The following CDH18 variants were observed in gnomAD, a reference collection of about 807,000 sequenced individuals.
CDH18 encodes the protein cadherin-18.
A neutral mutation model predicts 67.9 loss-of-function variants in CDH18; 31 were observed. The observed-to-expected ratio is 0.46, with a 90% CI of 0.34 to 0.62. The LOEUF is 0.62. CDH18 is among the 20% of genes least tolerant of loss of function. CDH18 has a pLI of 0.01. For missense variants in CDH18, 890 were observed against 975.5 expected (o/e 0.91, Z 1.17); for synonymous variants, 362 against 347.2 (o/e 1.04, Z -0.48).
chr5:19,492,608 A>G lies in CDH18; in HGVS notation c.1631-9056T>C, dbSNP rs574002501. On this transcript the variant is annotated intron_variant, in intron 11 of 12. Coordinates refer to ENST00000382275, the MANE Select transcript of CDH18 (RefSeq NM_004934.5). ...TGTTGTTTTAGAAAATACAACTTTA[A>G]ATGCTCTAACTTAAAAATCATCTTT... Among the ~76,000 whole-genome samples, 82 of 152,270 alleles carry G rather than the reference A, an allele frequency of 5.4e-4. 1 individual carries two copies. The highest frequency in any genetic ancestry group is 5.4e-3 in the Admixed American group (82 of 15,294).
intron 1 of CDH18, among the ~76,000 whole-genome samples, chr5:20,537,126 A>G (rs1756769100): frequency 6.6e-6 from 1 of 152,062 alleles, no homozygotes; most frequent in African/African-American, 2.4e-5. Flanking sequence ...CTTATCATAA[A>G]CCATTAGAGG....
chr5:19,709,319 G>A (rs1184300577), intron 5 of CDH18, among the ~76,000 whole-genome samples: 1 of 152,124 alleles, frequency 6.6e-6, no homozygotes, highest in Non-Finnish European at 1.5e-5. Context: ...TATAATCCCA[G>A]CACATTGGGA....
chr5:19,568,737 G>GGCCCTTTGATCTTGGACTTCCCA (rs139461278), intron 8 of CDH18, among the ~76,000 whole-genome samples: 5,620 of 152,130 alleles, frequency 0.037, 303 homozygotes, highest in African/African-American at 0.12. Flanking sequence ...CAGATAGGCT[G>GGCCCTTTGATCTTGGACTTCCCA]GCCCTTTGAT....
At chr5:19,745,286 A>T (rs953138006) in intron 4 of CDH18, among the ~76,000 whole-genome samples, 1 of 152,188 alleles carries the variant, frequency 6.6e-6, no homozygotes, top group African/African-American at 2.4e-5. Flanking sequence ...TGAGTTACAG[A>T]AATCTGTTTG....
intron 3 of CDH18, among the ~76,000 whole-genome samples, chr5:19,801,908 T>C (rs1017268884): frequency 6.6e-6 from 1 of 152,188 alleles, no homozygotes; most frequent in African/African-American, 2.4e-5. Flanking sequence ...GATATGTAAT[T>C]AGATATTATT....
chr5:20,040,768 C>T (rs1740347047), intron 2 of CDH18, among the ~76,000 whole-genome samples: 3 of 152,014 alleles, frequency 2.0e-5, no homozygotes. Flanking sequence ...TATCAGAGAC[C>T]AGTTCAAACA....
intron 2 of CDH18, among the ~76,000 whole-genome samples, chr5:20,016,289 C>A (rs1474161979): frequency 1.3e-5 from 2 of 151,888 alleles, no homozygotes; most frequent in Admixed American, 6.6e-5. Flanking sequence ...AAAAGGGGAA[C>A]AACAGACACT....
chr5:19,768,022 T>A (rs1223608750), intron 3 of CDH18, among the ~76,000 whole-genome samples: 2 of 152,066 alleles, frequency 1.3e-5, no homozygotes, highest in Non-Finnish European at 2.9e-5. Context: ...AAAACCAAGA[T>A]CCACAAATCA....
chr5:20,422,117 G>C (rs1747914784), intron 1 of CDH18, among the ~76,000 whole-genome samples: 1 of 150,942 alleles, frequency 6.6e-6, no homozygotes, highest in Non-Finnish European at 1.5e-5. Flanking sequence ...GGAAGAAACA[G>C]AATTAACTAC....
chr5:20,334,687 G>T (rs1049367109), intron 1 of CDH18, among the ~76,000 whole-genome samples: 2 of 150,470 alleles, frequency 1.3e-5, no homozygotes, highest in Admixed American at 1.3e-4. Context: ...TTTATTAAAA[G>T]AAATTCTCCT....
chr5:19,959,581 T>G (rs1796591486), intron 2 of CDH18, among the ~76,000 whole-genome samples: 1 of 152,126 alleles, frequency 6.6e-6, no homozygotes, highest in Non-Finnish European at 1.5e-5. Context: ...TGTTTGATAA[T>G]TTAGATTATC....
chr5:19,942,948 G>A (rs1794962663), intron 2 of CDH18, among the ~76,000 whole-genome samples: 1 of 152,096 alleles, frequency 6.6e-6, no homozygotes, highest in Non-Finnish European at 1.5e-5. Flanking sequence ...ACCCATGTCG[G>A]GGGCTAAGGC....
At chr5:19,769,299 T>C (rs1277576656) in intron 3 of CDH18, among the ~76,000 whole-genome samples, 1 of 152,050 alleles carries the variant, frequency 6.6e-6, no homozygotes, top group Non-Finnish European at 1.5e-5. Flanking sequence ...GCCAGAATCC[T>C]GAAAGTAGCA....
At chr5:20,554,641 G>A (rs151332593) in intron 1 of CDH18, among the ~76,000 whole-genome samples, 114 of 152,230 alleles carry the variant, frequency 7.5e-4, no homozygotes, top group Middle Eastern at 3.4e-3. Context: ...CTCACTCCAT[G>A]TGCTTTCCAA....
chr5:20,216,568 T>C (rs1190271160), intron 2 of CDH18, among the ~76,000 whole-genome samples: 1 of 151,938 alleles, frequency 6.6e-6, no homozygotes, highest in East Asian at 1.9e-4. Flanking sequence ...CCCCCATGAA[T>C]TTCTTCCTTT....
rs940725713 is a variant in CDH18, at chr5:20,112,851, T to C, written c.-517-120837A>G. On this transcript the variant is annotated intron_variant, in intron 2 of 14. Coordinates refer to the CDH18 transcript ENST00000507958. ...AATTTTGATTTTGAAATTGTACTTA[T>C]GGGGGAATTTTACACTGAAATTTGG... Among the ~76,000 whole-genome samples, 6 of 152,372 alleles carry C rather than the reference T, an allele frequency of 3.9e-5. No individual in the cohort carries two copies. In the South Asian group the frequency reaches 8.3e-4, roughly 21 times the overall value.
At chr5:20,044,529 AT>A (rs1389408386) in intron 2 of CDH18, among the ~76,000 whole-genome samples, 3 of 152,176 alleles carry the variant, frequency 2.0e-5, no homozygotes, top group Non-Finnish European at 4.4e-5. Flanking sequence ...CCTACAAAAA[AT>A]TAAAGCATTT....
chr5:19,975,839 A>T (rs1206949711), intron 2 of CDH18, among the ~76,000 whole-genome samples: 1 of 152,158 alleles, frequency 6.6e-6, no homozygotes, highest in Non-Finnish European at 1.5e-5. Flanking sequence ...ACAATTTTAC[A>T]CTTGGAAGAG....
chr5:20,412,508 CTTAA>C (rs1300071340), intron 1 of CDH18, among the ~76,000 whole-genome samples: 10 of 152,152 alleles, frequency 6.6e-5, no homozygotes, highest in African/African-American at 2.4e-5. Context: ...ACAAACAGGA[CTTAA>C]TTAAAGCAAA....
Sources: gnomAD v4.1 joint callset for allele counts (sites outside exome capture counted in the v4.1 genomes callset) on GRCh38, gnomAD v4.1.1 for gene constraint, MANE v1.5 for transcripts, NCBI Gene and HGNC (gene_info 2026-07-23, HGNC 2026-07-21) for gene names.